The following TPD52L2 variants were observed in gnomAD, a reference collection of about 807,000 sequenced individuals.
TPD52L2 encodes the protein tumor protein D54.
A neutral mutation model predicts 24.7 loss-of-function variants in TPD52L2; 19 were observed. The ratio of observed to expected loss-of-function variants is 0.77; its 90% CI spans 0.54 to 1.13. The LOEUF is 1.13. Ranked by LOEUF, TPD52L2 falls within the 50% of genes most tolerant of loss-of-function variation. The pLI is 0.00. For synonymous variants in TPD52L2, 104 were observed against 100.2 expected (o/e 1.04, Z -0.23); for missense variants, 236 against 250.4 (o/e 0.94, Z 0.39).
intron 5 of TPD52L2, chr20:63,887,352 G>T (rs559106557): frequency 4.1e-5 from 28 of 690,626 alleles, no homozygotes; most frequent in African/African-American, 3.6e-4. Flanking sequence ...AGTGCTATGC[G>T]CTGGGCAACT....
chr20:63,885,202 G>GGGCAGCCCCGGTCTGTGAGGCC (rs2053048630), intron 5 of TPD52L2, among the ~76,000 whole-genome samples: 1 of 152,258 alleles, frequency 6.6e-6, no homozygotes, highest in African/African-American at 2.4e-5. Flanking sequence ...GCCTGTCCCA[G>GGGCAGCCCCGGTCTGTGAGGCC]GGCAGCCCCG....
In TPD52L2 at chr20:63,890,134, G is replaced by A; in HGVS notation, c.*189G>A. Reference sequence around the variant, plus strand: ...TTTGAAGAACACAGGCTTGTACACAGATGTTTTACACTCACGTTTGTAGAT... The same window carrying A: ...TTTGAAGAACACAGGCTTGTACACAAATGTTTTACACTCACGTTTGTAGAT... On this transcript the variant is annotated 3_prime_UTR_variant, in exon 7 of 7. Transcript: ENST00000346249. 1.5e-6 allele frequency: 2 copies of A among 1,307,760 alleles called. No homozygotes were observed. The highest frequency in any genetic ancestry group is 2.1e-6 in the Non-Finnish European group (2 of 969,482). The allele number at this position is 1,307,760 out of a possible 1,614,324, so 81.0% of individuals were successfully genotyped here.
At chr20:63,885,928 CT>C in intron 5 of TPD52L2, 1 of 1,461,592 alleles carries the variant, frequency 6.8e-7, no homozygotes, top group Non-Finnish European at 9.6e-7. Context: ...GGGGCCTCCC[CT>C]GGGGCTCCCC....
chr20:63,869,745 AGTGTCTCT>A (rs1194813226), intron 2 of TPD52L2, among the ~76,000 whole-genome samples: 3 of 152,202 alleles, frequency 2.0e-5, no homozygotes, highest in African/African-American at 7.2e-5. Flanking sequence ...ATCTGCTGGG[AGTGTCTCT>A]GTTGGAATTA....
chr20:63,887,639 CG>C, intron 5 of TPD52L2: 1 of 1,608,794 alleles, frequency 6.2e-7, no homozygotes. Flanking sequence ...GCTCCAGAGC[CG>C]GGTGTCTCTG....
intron 4 of TPD52L2, chr20:63,876,731 C>A (rs935486253): frequency 2.2e-6 from 1 of 455,544 alleles, no homozygotes; most frequent in African/African-American, 2.0e-5. Context: ...GCTGGCACTG[C>A]GTGCACATGG....
At chr20:63,866,383 G>A (rs532081550) in intron 1 of TPD52L2, among the ~76,000 whole-genome samples, 109 of 152,250 alleles carry the variant, frequency 7.2e-4, no homozygotes, top group Non-Finnish European at 6.0e-4. Flanking sequence ...GATTACAGGC[G>A]TGAGCCACTG....
At chr20:63,865,493 C>T (rs2052179767) in intron 1 of TPD52L2, 109 bp downstream of exon 1, 5 of 1,392,218 alleles carry the variant, frequency 3.6e-6, no homozygotes, top group Non-Finnish European at 4.8e-6. Flanking sequence ...CTCGGTTCAC[C>T]CACCCCGCGG....
intron 5 of TPD52L2, among the ~76,000 whole-genome samples, 174 bp downstream of exon 5, chr20:63,882,994 C>T (rs893495677): frequency 1.3e-5 from 2 of 152,166 alleles, no homozygotes; most frequent in African/African-American, 2.4e-5. Context: ...CTGGGAGGTT[C>T]GTCCATCCCC....
chr20:63,877,747 G>A lies in TPD52L2; in HGVS notation c.374+1872G>A, dbSNP rs2052742873. Among the ~76,000 whole-genome samples, 1 of 152,268 alleles carries A rather than the reference G, an allele frequency of 6.6e-6. No individual in the cohort carries two copies. The highest frequency in any genetic ancestry group is 2.1e-4 in the South Asian group (1 of 4,832). On this transcript the variant is annotated intron_variant, in intron 4 of 6. Coordinates refer to ENST00000346249, the MANE Select transcript of TPD52L2 (RefSeq NM_003288.4). This position sits in a 1 kb window ranked among gnomAD's most constrained non-coding sequence, Gnocchi z 4.1. The stretch of plus-strand genomic sequence containing the variant: ...CCCGACCCCTCTGGAGAAACCTGTG[G>A]CTCAGCATGGAAGCATATGGCCAGT...
rs1233722026 is a variant in TPD52L2 at position 63,876,017 on chromosome 20, C to T, written c.374+142C>T. 5.0e-6 allele frequency: 4 copies of T among 800,660 alleles called. No individual in the cohort carries two copies. The East Asian group carries it at 1.1e-4, about 21-fold the overall frequency. 49.6% of individuals were successfully genotyped at this position (800,660 alleles called of 1,614,324 possible). A position where few individuals can be genotyped will look rare whatever the true frequency, so the allele number is the denominator to read the frequency against. On this transcript the variant is annotated intron_variant, in intron 4 of 6. Transcript: ENST00000346249. The stretch of plus-strand genomic sequence containing the variant: ...TTTTTCTTCCTATAACTTTTCTTCT[C>T]TCAGGTAAACTATCCTTTAAACTTT...
chr20:63,889,154 CTCT>C (rs777394315), intron 5 of TPD52L2, 33 bp from the exon 6 acceptor site: 1 of 1,605,592 alleles, frequency 6.2e-7, no homozygotes, highest in Non-Finnish European at 8.5e-7. Context: ...CAACCCTCTC[CTCT>C]TGACACCGAC....
Position 63,877,865 on chromosome 20 carries a change from A to G in TPD52L2, c.374+1990A>G, listed in dbSNP as rs2052747994. On this transcript the variant is annotated intron_variant, in intron 4 of 6. Coordinates refer to ENST00000346249, the MANE Select transcript of TPD52L2 (RefSeq NM_003288.4). This position sits in a 1 kb window ranked among gnomAD's most constrained non-coding sequence, Gnocchi z 4.1. Reference sequence around the variant, plus strand: ...GGAAGCGTTTCTGCCGGGAAGGCCCAGGCCGAGGGCGATGGTTTCTGCCGG... The same window carrying G: ...GGAAGCGTTTCTGCCGGGAAGGCCCGGGCCGAGGGCGATGGTTTCTGCCGG... 6.6e-6 allele frequency among the ~76,000 whole-genome samples: 1 copy of G among 151,936 alleles called. No homozygotes were observed. The highest frequency in any genetic ancestry group is 2.4e-5 in the African/African-American group (1 of 41,200).
chr20:63,879,712 A>T (rs1390498498), intron 4 of TPD52L2, among the ~76,000 whole-genome samples: 1 of 139,378 alleles, frequency 7.2e-6, no homozygotes, highest in East Asian at 2.3e-4. Flanking sequence ...GCACAAATGC[A>T]GGTGCAGCTT....
At chr20:63,879,442 G>A (rs573795112) in intron 4 of TPD52L2, among the ~76,000 whole-genome samples, 5 of 151,338 alleles carry the variant, frequency 3.3e-5, no homozygotes, top group East Asian at 2.0e-4. Context: ...CTCAGGACCC[G>A]CATCTCATTC....
At chr20:63,883,493 C>G (rs1435865915) in intron 5 of TPD52L2, among the ~76,000 whole-genome samples, 1 of 152,192 alleles carries the variant, frequency 6.6e-6, no homozygotes, top group Non-Finnish European at 1.5e-5. Context: ...GGCTGGGCAC[C>G]CCAGCTGGGC....
chr20:63,885,894 C>G, intron 5 of TPD52L2: 1 of 998,580 alleles, frequency 1.0e-6, no homozygotes, highest in Non-Finnish European at 1.6e-6. Flanking sequence ...TCTTCCCCTG[C>G]TGGGCCTGAC....
At chr20:63,875,307 G>C (rs2052630523) in intron 3 of TPD52L2, among the ~76,000 whole-genome samples, 1 of 152,112 alleles carries the variant, frequency 6.6e-6, no homozygotes, top group Non-Finnish European at 1.5e-5. Context: ...AATTTGGGGA[G>C]TGCTGCTTTC....
chr20:63,877,184 C>T lies in TPD52L2; in HGVS notation c.374+1309C>T. On this transcript the variant is annotated intron_variant, in intron 4 of 6. Transcript: ENST00000346249. This position sits in a 1 kb window ranked among gnomAD's most constrained non-coding sequence, Gnocchi z 4.1. ...GGGACTACAGGCGCCCGCCACCACG[C>T]CCGGCTAATTTTTTCTATTTTTAGT... 2.9e-6 allele frequency: 1 copy of T among 346,984 alleles called. No homozygotes were observed. The highest frequency in any genetic ancestry group is 2.2e-5 in the South Asian group (1 of 45,916). The allele number at this position is 346,984 out of a possible 1,614,324, so 21.5% of individuals were successfully genotyped here.
Sources: gnomAD v4.1 joint callset for allele counts (sites outside exome capture counted in the v4.1 genomes callset) on GRCh38, gnomAD v4.1.1 for gene constraint, Gnocchi (gnomAD v3.1) non-coding constraint, MANE v1.5 for transcripts, NCBI Gene and HGNC (gene_info 2026-07-23, HGNC 2026-07-21) for gene names.